PCDH7: variants seen among roughly 807,000 people sequenced by gnomAD.
PCDH7 encodes protocadherin 7.
PCDH7 carries 17 observed loss-of-function variants against 58.9 expected under a neutral mutation model. The observed-to-expected ratio is 0.29, with a 90% CI of 0.20 to 0.43. The LOEUF (loss-of-function observed/expected upper bound fraction) is 0.43, where lower values mean the gene tolerates loss of function less well. Among genes scored for constraint, PCDH7 ranks in the 20% least tolerant of loss-of-function variants. PCDH7 has a pLI of 1.00. For missense variants in PCDH7, 1,274 were observed against 1,441.0 expected, an observed-to-expected ratio of 0.88 and a Z score of 1.88; for synonymous variants, 664 against 616.4, an observed-to-expected ratio of 1.08 and a Z score of -1.14.
intron 1 of PCDH7, among the ~76,000 whole-genome samples, chr4:30,840,321 T>C (rs767654978): frequency 2.0e-5 from 3 of 152,096 alleles, no homozygotes; most frequent in Non-Finnish European, 4.4e-5. Context: ...CTTTTCTCAT[T>C]TGGACTTGGC....
intron 3 of PCDH7, among the ~76,000 whole-genome samples, chr4:31,126,265 C>T (rs1023598850): frequency 6.6e-6 from 1 of 151,730 alleles, no homozygotes; most frequent in Non-Finnish European, 1.5e-5. Flanking sequence ...AAGAGATTCT[C>T]ACGCCTCAGC....
At chr4:30,766,699 T>G (rs1167027906) in intron 1 of PCDH7, among the ~76,000 whole-genome samples, 5 of 151,960 alleles carry the variant, frequency 3.3e-5, no homozygotes, top group Non-Finnish European at 5.9e-5. Flanking sequence ...AGTAAGACAG[T>G]GTCCCATTTA....
At chr4:30,919,454 T>G (rs1742906800) in intron 1 of PCDH7, among the ~76,000 whole-genome samples, 1 of 152,178 alleles carries the variant, frequency 6.6e-6, no homozygotes, top group African/African-American at 2.4e-5. Context: ...GTACATGATT[T>G]TACTTTATTG....
intron 2 of PCDH7, chr4:30,935,202 A>T (rs946278363): frequency 1.9e-5 from 4 of 214,816 alleles, no homozygotes; most frequent in Non-Finnish European, 3.2e-5. Flanking sequence ...TTATTTATAG[A>T]TACCTTAAAA....
At chr4:30,804,842 C>G (rs1006564539) in intron 1 of PCDH7, among the ~76,000 whole-genome samples, 2 of 152,168 alleles carry the variant, frequency 1.3e-5, no homozygotes, top group South Asian at 4.1e-4. Flanking sequence ...GTGATACCCC[C>G]TTATTTCTGA....
chr4:31,062,862 G>A (rs1440399607), intron 3 of PCDH7, among the ~76,000 whole-genome samples: 2 of 151,776 alleles, frequency 1.3e-5, no homozygotes, highest in African/African-American at 4.8e-5. Context: ...TTTGAAAATA[G>A]TGAAGGAACC....
chr4:30,875,429 A>C (rs1736159412), intron 1 of PCDH7, among the ~76,000 whole-genome samples: 1 of 152,048 alleles, frequency 6.6e-6, no homozygotes, highest in African/African-American at 2.4e-5. Flanking sequence ...TTTTGGGGAG[A>C]CACAATTCAA....
chr4:30,980,970 G>A (rs1294150058), intron 3 of PCDH7, among the ~76,000 whole-genome samples: 1 of 152,074 alleles, frequency 6.6e-6, no homozygotes, highest in Non-Finnish European at 1.5e-5. Context: ...AGCCTCCCCA[G>A]TAGCTGGGAC....
intron 1 of PCDH7, among the ~76,000 whole-genome samples, chr4:30,908,255 AG>A (rs1212116226): frequency 4.4e-4 from 64 of 146,528 alleles, no homozygotes; most frequent in Non-Finnish European, 7.5e-4. Context: ...AAAAAAAAAA[AG>A]AAGAAAAGAA....
chr4:30,748,224 C>T (rs949937487), intron 1 of PCDH7, among the ~76,000 whole-genome samples: 2 of 152,096 alleles, frequency 1.3e-5, no homozygotes, highest in Admixed American at 1.3e-4. Context: ...TCTAACTGAC[C>T]TGCTACAATC....
At chr4:30,801,264 A>G (rs1725491401) in intron 1 of PCDH7, among the ~76,000 whole-genome samples, 1 of 152,214 alleles carries the variant, frequency 6.6e-6, no homozygotes. Flanking sequence ...AATGTGGGAG[A>G]TAAACATTAG....
intron 1 of PCDH7, among the ~76,000 whole-genome samples, chr4:30,808,335 T>C (rs1236904496): frequency 6.6e-6 from 1 of 152,214 alleles, no homozygotes; most frequent in East Asian, 1.9e-4. Flanking sequence ...AGCTTCTTTA[T>C]TGGCAAATAA....
intron 3 of PCDH7, among the ~76,000 whole-genome samples, chr4:31,093,385 T>C (rs1713517832): frequency 2.0e-5 from 3 of 152,238 alleles, no homozygotes; most frequent in South Asian, 4.1e-4. Context: ...AGAAGAAGCA[T>C]AATGAAATTT....
intron 3 of PCDH7, among the ~76,000 whole-genome samples, chr4:30,960,889 G>A (rs1028335111): frequency 1.1e-4 from 17 of 152,144 alleles, no homozygotes; most frequent in Non-Finnish European, 2.2e-4. Context: ...TTAGTTTTAA[G>A]ATGTTTTATG....
At chr4:31,057,936 G>A (rs1757385189) in intron 3 of PCDH7, among the ~76,000 whole-genome samples, 1 of 152,068 alleles carries the variant, frequency 6.6e-6, no homozygotes, top group Non-Finnish European at 1.5e-5. Flanking sequence ...AGCATGATTA[G>A]GGGTTCAAAG....
chr4:30,858,555 G>A (rs1733782709), intron 1 of PCDH7, among the ~76,000 whole-genome samples: 1 of 152,126 alleles, frequency 6.6e-6, no homozygotes, highest in South Asian at 2.1e-4. Context: ...TCAGAGGTAG[G>A]CCTATAGCTA....
At chr4:31,012,453 T>C (rs1259400974) in intron 3 of PCDH7, among the ~76,000 whole-genome samples, 1 of 150,372 alleles carries the variant, frequency 6.7e-6, no homozygotes, top group Non-Finnish European at 1.5e-5. Flanking sequence ...TGTCTAAACT[T>C]AAGGTTTGAT....
At position 30,721,874 on chromosome 4, in the gene PCDH7, C is replaced by T. The variant is rs879734248; in HGVS notation, c.452C>T (p.Thr151Met). Residue 151 changes from threonine to methionine, a missense_variant, in exon 1 of 2, where the codon ACG becomes ATG. This residue lies in a region of PCDH7 where 212 missense variants were observed against 255.8 expected (regional missense o/e 0.83). Coordinates refer to ENST00000361762, the Ensembl canonical transcript of PCDH7. This position sits in a 1 kb window ranked among gnomAD's most constrained non-coding sequence, Gnocchi z 6.7. ...TTCCCGTCGCCCGTGCTCACGCTCA[C>T]GGTGGAGGAGAATCGGCCGGTGGGC... 1.2e-5 allele frequency: 20 copies of T among 1,602,072 alleles called. No individual in the cohort carries two copies. The highest frequency in any genetic ancestry group is 2.3e-5 in the East Asian group (1 of 44,164).
At chr4:31,097,482 AAG>A (rs1560221386) in intron 3 of PCDH7, among the ~76,000 whole-genome samples, 18 of 133,680 alleles carry the variant, frequency 1.3e-4, no homozygotes, top group African/African-American at 3.1e-4. Flanking sequence ...GAAAGAAAGG[AAG>A]AAAGAAAAAA....
Sources: gnomAD v4.1 joint callset for allele counts (sites outside exome capture counted in the v4.1 genomes callset) on GRCh38, gnomAD v4.1.1 for gene constraint, gnomAD v4.1.1 regional missense constraint, Gnocchi (gnomAD v3.1) non-coding constraint, MANE v1.5 for transcripts, NCBI Gene and HGNC (gene_info 2026-07-23, HGNC 2026-07-21) for gene names.